Variants in DNAH10 observed in about 807,000 individuals in gnomAD.
The protein encoded by DNAH10 is dynein axonemal heavy chain 10, also known as axonemal beta dynein heavy chain 10.
DNAH10 carries 348 observed loss-of-function variants against 506.6 expected under a neutral mutation model. That is an observed-to-expected ratio of 0.69 (90% CI 0.63 to 0.75). The LOEUF is 0.75. Among genes scored for constraint, DNAH10 ranks in the 30% least tolerant of loss-of-function variants. DNAH10 has a pLI of 0.00. For missense variants in DNAH10, 5,179 were observed against 5,787.1 expected, an observed-to-expected ratio of 0.89 and a Z score of 3.41; for synonymous variants, 2,059 against 2,198.6, an observed-to-expected ratio of 0.94 and a Z score of 1.78.
Position 123,903,645 on chromosome 12 carries a change from G to A in DNAH10, c.9815+532G>A, listed in dbSNP as rs1953636299. 6.6e-6 allele frequency among the ~76,000 whole-genome samples: 1 copy of A among 152,212 alleles called. No individual in the cohort carries two copies. The highest frequency in any genetic ancestry group is 6.5e-5 in the Admixed American group (1 of 15,288). On this transcript the variant is annotated intron_variant, in intron 57 of 78. Transcript: ENST00000673944. This position sits in a 1 kb window ranked among gnomAD's most constrained non-coding sequence, Gnocchi z 4.6. ...ATGACCCTGTCCCCCACACCAGAGG[G>A]CTCATCTGCTGTCAGCGAGGGTAAC...
In DNAH10 at chr12:123,909,127, G is replaced by A; in HGVS notation, c.9816-134G>A. The A allele has an allele frequency of 8.2e-7, 1 of 1,225,578 alleles. No individual in the cohort carries two copies. The highest frequency in any genetic ancestry group is 2.5e-5 in the East Asian group (1 of 39,276). 75.9% of individuals were successfully genotyped at this position (1,225,578 alleles called of 1,614,324 possible). ...GGAGTGCGGTTTGTGTTGGGACCTG[G>A]CTTCTTTCGTTTGCTTGCAGCAGTA... On this transcript the variant is annotated intron_variant, in intron 57 of 78. Coordinates refer to ENST00000673944, the MANE Select transcript of DNAH10 (RefSeq NM_001372106.1). The surrounding 1 kb of genome is among the most constrained non-coding windows in gnomAD (Gnocchi z 5.4).
At chr12:123,774,883 C>G (rs1957383793) in intron 5 of DNAH10, among the ~76,000 whole-genome samples, 1 of 152,150 alleles carries the variant, frequency 6.6e-6, no homozygotes, top group Non-Finnish European at 1.5e-5. Flanking sequence ...ATTTTGGGGT[C>G]TTGCTCCCAA....
Position 123,881,720 on chromosome 12 carries a change from C to A in DNAH10, c.8730C>A (p.Ile2910=). 1 of 1,549,476 alleles carries A rather than the reference C, an allele frequency of 6.5e-7. No homozygotes were observed. Among genetic ancestry groups the A allele is most frequent in the Non-Finnish European group, 8.7e-7 (1 of 1,146,192 alleles). The change falls in exon 51 of 79, where the codon ATC becomes ATA. Residue 2910 remains isoleucine (I), a synonymous_variant. Transcript: ENST00000673944. ...LEHLTRVHRI[I]RMDRGHALLV... ...ATTTAACCCGGGTGCACCGTATCAT[C>A]CGCATGGACCGCGGCCACGCCCTGC...
chr12:123,849,665 T>C (rs1951085129), intron 34 of DNAH10, among the ~76,000 whole-genome samples: 1 of 152,210 alleles, frequency 6.6e-6, no homozygotes, highest in African/African-American at 2.4e-5. Flanking sequence ...TGACACCACA[T>C]GTGTCCCCAT....
chr12:123,929,307 C>CAAGGCTGA lies in DNAH10; in HGVS notation c.12341_12342insGGCTGAAA (p.Asn4114LysfsTer5). On this transcript the variant is annotated frameshift_variant, in exon 71 of 79. Transcript: ENST00000673944. LOFTEE classifies it high-confidence loss of function. ...CCGAGCCACCCAATGGGCTGAAACT[C>CAAGGCTGA]AACATGAGGGCAACTTACTTCAAGA... 2.5e-6 allele frequency: 4 copies of CAAGGCTGA among 1,603,498 alleles called. No individual in the cohort carries two copies. Among genetic ancestry groups the CAAGGCTGA allele is most frequent in the Non-Finnish European group, 3.4e-6 (4 of 1,175,138 alleles).
In DNAH10 at chr12:123,790,007, A is replaced by G. The variant is rs1958019231; in HGVS notation, c.1701A>G (p.Leu567=). ...ACCCCAAGCGCATTGATGATGTCCT[A>G]TGCAGAGTGGACGGCCTAGTCACCC... ...TGDPKRIDDV[L]CRVDGLVTPM... Residue 567 remains leucine (L), a synonymous_variant, in exon 11 of 79, where the codon CTA becomes CTG. Transcript: ENST00000673944. 4 of 1,614,214 alleles carry G rather than the reference A, an allele frequency of 2.5e-6. No homozygotes were observed. Among genetic ancestry groups the G allele is most frequent in the South Asian group, 2.2e-5 (2 of 91,088 alleles).
In DNAH10 at chr12:123,916,792, A is replaced by T. The variant is rs894702683; in HGVS notation, c.11002+56A>T. On this transcript the variant is annotated intron_variant, in intron 63 of 78. Coordinates refer to ENST00000673944, the MANE Select transcript of DNAH10 (RefSeq NM_001372106.1). The surrounding 1 kb of genome is among the most constrained non-coding windows in gnomAD (Gnocchi z 4.6). ...TCAGATGGTTATGAGGGAGACCGCA[A>T]CCTCAGATCAAGGCATTCATGGGAC... 6.5e-6 allele frequency: 10 copies of T among 1,535,430 alleles called. No individual in the cohort carries two copies. The African/African-American group carries it at 1.2e-4, about 19-fold the overall frequency.
chr12:123,913,083 A>G lies in DNAH10; in HGVS notation c.10135-15A>G, dbSNP rs373633025. 2.5e-6 allele frequency: 4 copies of G among 1,595,960 alleles called. No individual in the cohort carries two copies. The African/African-American group carries it at 4.0e-5, about 16-fold the overall frequency. On this transcript the variant is annotated splice_polypyrimidine_tract_variant and intron_variant, in intron 59 of 78. Transcript: ENST00000673944. The surrounding 1 kb of genome is among the most constrained non-coding windows in gnomAD (Gnocchi z 5.1). ...GGTCCTTTTCCCCATCTTTTTGCAA[A>G]TTGTCTTCACTTAGGTGGCCAGGCT... is the stretch of plus-strand genomic sequence containing the variant.
chr12:123,831,863 C>T (rs977711686), intron 26 of DNAH10, among the ~76,000 whole-genome samples: 1 of 151,376 alleles, frequency 6.6e-6, no homozygotes, highest in Middle Eastern at 3.4e-3. Flanking sequence ...CGAGATCGCA[C>T]CACTGCACTC....
chr12:123,924,204 G>T, intron 66 of DNAH10, 74 bp from the exon 67 acceptor site: 1 of 1,488,866 alleles, frequency 6.7e-7, no homozygotes, highest in Admixed American at 2.4e-5. Flanking sequence ...CCAAAAGTGG[G>T]AGAAGTCGAA....
At chr12:123,842,252 C>T (rs1025837593) in intron 30 of DNAH10, among the ~76,000 whole-genome samples, 1 of 152,124 alleles carries the variant, frequency 6.6e-6, no homozygotes, top group Non-Finnish European at 1.5e-5. Flanking sequence ...AGAAACTAGG[C>T]GTTTAGTGGG....
intron 6 of DNAH10, among the ~76,000 whole-genome samples, chr12:123,782,682 G>A (rs1366436262): frequency 6.6e-6 from 1 of 152,022 alleles, no homozygotes; most frequent in Non-Finnish European, 1.5e-5. Context: ...AAAGTGTTGA[G>A]ATTACAGGTG....
At position 123,897,756 on chromosome 12, in the gene DNAH10, T is replaced by G; in HGVS notation, c.9281-14T>G. ...GAAAAAGAAAGAAAACATTTTTTAT[T>G]CCTTCCTCTTCAGGGTATAATCCAA... On this transcript the variant is annotated splice_polypyrimidine_tract_variant and intron_variant, in intron 54 of 78. Coordinates refer to ENST00000673944, the MANE Select transcript of DNAH10 (RefSeq NM_001372106.1). The G allele has an allele frequency of 6.3e-7, 1 of 1,587,472 alleles. No individual in the cohort carries two copies. The highest frequency in any genetic ancestry group is 1.2e-5 in the South Asian group (1 of 85,052).
rs376786329 is a variant in DNAH10 at position 123,932,034 on chromosome 12, G to A, written c.13222G>A (p.Ala4408Thr). The change falls in exon 76 of 79, where the codon GCT becomes ACT. Residue 4408 changes from alanine (A) to threonine (T), a missense_variant. Physicochemically the swap from Ala to Thr is moderately conservative, Grantham distance 58 (BLOSUM62 0). Coordinates refer to ENST00000673944, the MANE Select transcript of DNAH10 (RefSeq NM_001372106.1). ...GHIPNIWRRL[A>T]PDTLKSLGNW... The stretch of plus-strand genomic sequence containing the variant: ...TATCCCTAATATCTGGAGAAGGCTT[G>A]CTCCTGACACCTTAAAGTCCCTTGG... 8.7e-6 allele frequency: 14 copies of A among 1,613,884 alleles called. No homozygotes were observed. Among genetic ancestry groups the A allele is most frequent in the Non-Finnish European group, 1.2e-5 (14 of 1,179,902 alleles).
intron 36 of DNAH10, among the ~76,000 whole-genome samples, chr12:123,856,432 G>C (rs1023773384): frequency 1.3e-5 from 2 of 150,474 alleles, no homozygotes; most frequent in Non-Finnish European, 3.0e-5. Flanking sequence ...CACCTCCTGG[G>C]TTCAAGCGAT....
At position 123,770,487 on chromosome 12, in the gene DNAH10, A is replaced by AT. The variant is rs56670119; in HGVS notation, c.299-1092dup. Reference sequence around the variant, plus strand: ...GGCACGGCACCTGCTCGTAAGTGTGATTTTTTTTTTTTTTTTTTTTTTACT... The same window carrying AT: ...GGCACGGCACCTGCTCGTAAGTGTGATTTTTTTTTTTTTTTTTTTTTTTACT... On this transcript the variant is annotated intron_variant, in intron 2 of 78. Coordinates refer to ENST00000673944, the MANE Select transcript of DNAH10 (RefSeq NM_001372106.1). Among the ~76,000 whole-genome samples the AT allele has an allele frequency of 8.6e-3, 1,150 of 133,144 alleles. 16 individuals carry two copies. The highest frequency in any genetic ancestry group is 0.011 in the Non-Finnish European group (708 of 62,636). The allele number at this position is 133,144 out of a possible 152,430, so 87.3% of individuals were successfully genotyped here.
Position 123,864,586 on chromosome 12 carries a change from T to C in DNAH10, c.6909-9T>C. On this transcript the variant is annotated splice_polypyrimidine_tract_variant and intron_variant, in intron 39 of 78. Transcript: ENST00000673944. ...GGACCCATGGCTCTCCTTTCTTTGGTTGCTGCAGGTATATTTTATTTGATG... is the reference window on the plus strand; with the variant it reads ...GGACCCATGGCTCTCCTTTCTTTGGCTGCTGCAGGTATATTTTATTTGATG... The C allele has an allele frequency of 6.2e-7, 1 of 1,613,042 alleles. No homozygotes were observed. The highest frequency in any genetic ancestry group is 1.1e-5 in the South Asian group (1 of 90,862).
intron 65 of DNAH10, among the ~76,000 whole-genome samples, chr12:123,920,792 C>T (rs113992862): frequency 5.7e-4 from 86 of 152,198 alleles, no homozygotes; most frequent in African/African-American, 2.0e-3. Context: ...TTTTTGGAGA[C>T]AGGGTCTGGC....
chr12:123,900,495 C>A (rs577807043), intron 56 of DNAH10, among the ~76,000 whole-genome samples: 1 of 152,312 alleles, frequency 6.6e-6, no homozygotes, highest in East Asian at 1.9e-4. Context: ...CTGAGGACCG[C>A]CTATTTGCCA....
Sources: allele counts gnomAD v4.1 joint callset (sites outside exome capture counted in the v4.1 genomes callset), GRCh38; gene constraint gnomAD v4.1.1; non-coding constraint Gnocchi (gnomAD v3.1); transcripts MANE v1.5; gene names NCBI Gene and HGNC (gene_info 2026-07-23, HGNC 2026-07-21).